GPAT3: variants seen among roughly 807,000 people sequenced by gnomAD.
The protein encoded by GPAT3 is 1-AGP acyltransferase 9.
In GPAT3, 53 loss-of-function variants were observed where a neutral mutation model predicts 58.8. That is an observed-to-expected ratio of 0.90 (90% CI 0.72 to 1.13). The LOEUF is 1.13. Among genes scored for constraint, GPAT3 ranks in the 50% most tolerant of loss-of-function variants. GPAT3 has a pLI of 0.00. For synonymous variants in GPAT3, 197 were observed against 187.4 expected (o/e 1.05, Z -0.42); for missense variants, 511 against 527.6 (o/e 0.97, Z 0.31).
Position 83,581,586 on chromosome 4 carries a change from C to G in GPAT3, c.233C>G (p.Pro78Arg). The change falls in exon 3 of 12, where the codon CCC becomes CGC. Residue 78 changes from proline (P) to arginine (R), a missense_variant. Pro to Arg is a moderately radical substitution (Grantham distance 103). Transcript: ENST00000264409. ...GGTATTATCCAAAGAGATGAGTCAC[C>G]CATGGAAAAAGGGCTCTCTGGTCTA... ...SVGIIQRDES[P>R]MEKGLSGLRG... 6.2e-7 allele frequency: 1 copy of G among 1,613,948 alleles called. No homozygotes were observed. Among genetic ancestry groups the G allele is most frequent in the South Asian group, 1.1e-5 (1 of 91,064 alleles).
chr4:83,587,400 A>G, intron 4 of GPAT3, 71 bp downstream of exon 4: 1 of 1,282,498 alleles, frequency 7.8e-7, no homozygotes, highest in Non-Finnish European at 1.1e-6. Flanking sequence ...CAAAGAGAAT[A>G]TTTGTTTGAT....
intron 2 of GPAT3, among the ~76,000 whole-genome samples, chr4:83,565,794 C>T (rs1725359793): frequency 6.6e-6 from 1 of 152,214 alleles, no homozygotes; most frequent in African/African-American, 2.4e-5. Flanking sequence ...CGGAGGCTTG[C>T]TCATGCCCCG....
At position 83,597,538 on chromosome 4, in the gene GPAT3, A is replaced by G. The variant is rs563535866; in HGVS notation, c.996+23A>G. 72 of 1,378,448 alleles carry G rather than the reference A, an allele frequency of 5.2e-5. 2 individuals are homozygous for G. The South Asian group carries it at 9.9e-4, about 19-fold the overall frequency. 85.4% of individuals were successfully genotyped at this position (1,378,448 alleles called of 1,614,324 possible). A position where few individuals can be genotyped will look rare whatever the true frequency, so the allele number is the denominator to read the frequency against. The stretch of plus-strand genomic sequence containing the variant: ...AAGGTAAAACAGATACCATAATAAG[A>G]ATAATAATTATTATAAAGATATTGG... On this transcript the variant is annotated intron_variant, in intron 9 of 11. Coordinates refer to ENST00000264409, the MANE Select transcript of GPAT3 (RefSeq NM_032717.5).
intron 2 of GPAT3, among the ~76,000 whole-genome samples, chr4:83,553,567 G>C (rs2110077521): frequency 6.6e-6 from 1 of 152,258 alleles, no homozygotes; most frequent in East Asian, 1.9e-4. Flanking sequence ...TCTCAGAGTT[G>C]TGGAGGTTTG....
At chr4:83,568,993 A>T (rs1259640682) in intron 2 of GPAT3, among the ~76,000 whole-genome samples, 1 of 152,236 alleles carries the variant, frequency 6.6e-6, no homozygotes, top group East Asian at 1.9e-4. Flanking sequence ...GAAAGATGTT[A>T]TGTGTGTCTG....
chr4:83,536,676 T>C lies in GPAT3; in HGVS notation c.54T>C (p.Val18=). 6.2e-7 allele frequency: 1 copy of C among 1,613,542 alleles called. No homozygotes were observed. Among genetic ancestry groups the C allele is most frequent in the Non-Finnish European group, 8.5e-7 (1 of 1,179,958 alleles). ...GKILSTWLTL[V]LGFILLPSVF... is the part of the protein sequence containing the mutation. The stretch of plus-strand genomic sequence containing the variant: ...TCCTTTCCACCTGGCTGACGCTGGT[T>C]CTCGGCTTCATCCTTTTACCTTCGG... Residue 18 remains valine, a synonymous_variant, in exon 1 of 12, where the codon GTT becomes GTC. Coordinates refer to ENST00000264409, the MANE Select transcript of GPAT3 (RefSeq NM_032717.5).
In GPAT3 at chr4:83,588,162, C is replaced by T. The variant is rs566943860; in HGVS notation, c.555-48C>T. The T allele has an allele frequency of 4.0e-5, 62 of 1,543,526 alleles. No individual in the cohort carries two copies. In the African/African-American group the frequency reaches 7.9e-4, roughly 20 times the overall value. ...CATTAAAACCTTTATTATATTGTTTCTTAAGAGTGCCCAGAATGGCACAAT... is the reference window on the plus strand; with the variant it reads ...CATTAAAACCTTTATTATATTGTTTTTTAAGAGTGCCCAGAATGGCACAAT... On this transcript the variant is annotated intron_variant, in intron 4 of 11. Coordinates refer to ENST00000264409, the MANE Select transcript of GPAT3 (RefSeq NM_032717.5).
At chr4:83,555,209 T>A (rs1436915388) in intron 2 of GPAT3, among the ~76,000 whole-genome samples, 1 of 152,186 alleles carries the variant, frequency 6.6e-6, no homozygotes, top group African/African-American at 2.4e-5. Flanking sequence ...ACCTTTGGCA[T>A]CTCTGCAGTG....
At chr4:83,601,556 C>T (rs2110112237) in intron 11 of GPAT3, among the ~76,000 whole-genome samples, 1 of 152,292 alleles carries the variant, frequency 6.6e-6, no homozygotes, top group Non-Finnish European at 1.5e-5. Flanking sequence ...AGTTCGAGAC[C>T]AGCCTGGGCA....
At position 83,594,833 on chromosome 4, in the gene GPAT3, T is replaced by G; in HGVS notation, c.739-12T>G. 6.2e-7 allele frequency: 1 copy of G among 1,610,390 alleles called. No homozygotes were observed. The highest frequency in any genetic ancestry group is 2.2e-5 in the East Asian group (1 of 44,874). On this transcript the variant is annotated splice_polypyrimidine_tract_variant and intron_variant, in intron 6 of 11. Transcript: ENST00000264409. ...CCTTTTACGTTTTTTCCTTTTCTTA[T>G]GCTACTTCTAGGTTGGCCAGGTTCA... is the stretch of plus-strand genomic sequence containing the variant.
intron 2 of GPAT3, among the ~76,000 whole-genome samples, chr4:83,556,782 CAA>C (rs35789405): frequency 6.1e-5 from 8 of 131,308 alleles, no homozygotes; most frequent in Non-Finnish European, 9.9e-5. Context: ...CTACGGTTCT[CAA>C]AAAAAAAAAA....
In GPAT3 at chr4:83,536,344, C is replaced by A; in HGVS notation, c.-279C>A. ...TTACCCGCAGCTCCGACCACTGGCTCGCGCTACCCAGGTCTCCGCACGCCG... is the reference window on the plus strand; with the variant it reads ...TTACCCGCAGCTCCGACCACTGGCTAGCGCTACCCAGGTCTCCGCACGCCG... On this transcript the variant is annotated 5_prime_UTR_variant, in exon 1 of 12. Coordinates refer to ENST00000264409, the MANE Select transcript of GPAT3 (RefSeq NM_032717.5). 8.6e-7 allele frequency: 1 copy of A among 1,166,030 alleles called. No individual in the cohort carries two copies. Among genetic ancestry groups the A allele is most frequent in the Non-Finnish European group, 1.1e-6 (1 of 944,020 alleles). 72.2% of individuals were successfully genotyped at this position (1,166,030 alleles called of 1,614,324 possible). A position where few individuals can be genotyped will look rare whatever the true frequency, so the allele number is the denominator to read the frequency against.
intron 2 of GPAT3, among the ~76,000 whole-genome samples, chr4:83,566,388 T>C (rs1452297626): frequency 6.7e-6 from 1 of 150,024 alleles, no homozygotes; most frequent in Non-Finnish European, 1.5e-5. Context: ...TTGCTTTTCC[T>C]ATTTATTCTT....
intron 1 of GPAT3, 110 bp downstream of exon 1, chr4:83,536,873 TGCATGCGTGCGTGC>T: frequency 9.9e-7 from 1 of 1,009,144 alleles, no homozygotes; most frequent in Non-Finnish European, 1.5e-6. Context: ...TGCGCGCGTG[TGCATGCGTGCGTGC>T]ATTTCTGTTC....
At chr4:83,601,550 C>T (rs566280310) in intron 11 of GPAT3, among the ~76,000 whole-genome samples, 4 of 152,222 alleles carry the variant, frequency 2.6e-5, no homozygotes, top group East Asian at 3.9e-4. Flanking sequence ...TTTAAGAGTT[C>T]GAGACCAGCC....
chr4:83,600,292 A>C (rs192475366), intron 11 of GPAT3, among the ~76,000 whole-genome samples: 33 of 150,722 alleles, frequency 2.2e-4, no homozygotes, highest in Admixed American at 9.3e-4. Flanking sequence ...AGAGAGTGCA[A>C]GTTCTCTAGT....
chr4:83,571,565 TAG>T (rs910142295), intron 2 of GPAT3, among the ~76,000 whole-genome samples: 4 of 151,558 alleles, frequency 2.6e-5, no homozygotes, highest in Admixed American at 2.0e-4. Context: ...GTTGAAAAAT[TAG>T]ACATTGCAGA....
At chr4:83,541,899 T>C (rs1011263690) in intron 1 of GPAT3, among the ~76,000 whole-genome samples, 4 of 152,244 alleles carry the variant, frequency 2.6e-5, no homozygotes, top group Non-Finnish European at 4.4e-5. Context: ...TGTGCTCACA[T>C]CCTTGTGTCT....
chr4:83,556,713 T>G (rs940269538), intron 2 of GPAT3, among the ~76,000 whole-genome samples: 5 of 151,482 alleles, frequency 3.3e-5, no homozygotes, highest in African/African-American at 1.2e-4. Flanking sequence ...GATTATTTTG[T>G]AAGTTTTTGG....
Sources: gnomAD v4.1 joint callset for allele counts (sites outside exome capture counted in the v4.1 genomes callset) on GRCh38, gnomAD v4.1.1 for gene constraint, MANE v1.5 for transcripts, NCBI Gene and HGNC (gene_info 2026-07-23, HGNC 2026-07-21) for gene names.